PLEKHG3: variants seen among roughly 807,000 people sequenced by gnomAD.
PLEKHG3 encodes pleckstrin homology and RhoGEF domain containing G3.
In PLEKHG3, 62 loss-of-function variants were observed where a neutral mutation model predicts 94.9. The ratio of observed to expected loss-of-function variants is 0.65; its 90% confidence interval spans 0.53 to 0.81. The LOEUF is 0.81. PLEKHG3 is among the 30% of genes least tolerant of loss of function. The pLI is 0.00. For missense variants in PLEKHG3, 1,461 were observed against 1,619.3 expected (o/e 0.90, Z 1.68); for synonymous variants, 614 against 654.0 (o/e 0.94, Z 0.93).
chr14:64,711,011 C>T (rs1426607386), intron 1 of PLEKHG3, among the ~76,000 whole-genome samples: 1 of 152,284 alleles, frequency 6.6e-6, no homozygotes, highest in East Asian at 1.9e-4. Flanking sequence ...GATTCCCAGT[C>T]AGGTTGGCTA....
chr14:64,713,265 T>C (rs1284377466), intron 1 of PLEKHG3, among the ~76,000 whole-genome samples: 1 of 152,210 alleles, frequency 6.6e-6, no homozygotes, highest in East Asian at 1.9e-4. Context: ...TTCTTTTTTC[T>C]GATATCTTGT....
At position 64,720,213 on chromosome 14, in the gene PLEKHG3, C is replaced by T. The variant is rs1397638784; in HGVS notation, c.-39-7380C>T. Among the ~76,000 whole-genome samples, 2 of 152,236 alleles carry T rather than the reference C, an allele frequency of 1.3e-5. No homozygotes were observed. The highest frequency in any genetic ancestry group is 4.8e-5 in the African/African-American group (2 of 41,468). ...AACTTGGCTACTTTCCCCTTCCTCC[C>T]AGTCTCTTGTGGCTGGTCACCTAGT... On this transcript the variant is annotated intron_variant, in intron 1 of 16. Coordinates refer to ENST00000247226, the MANE Select transcript of PLEKHG3 (RefSeq NM_001308147.2). This position sits in a 1 kb window ranked among gnomAD's most constrained non-coding sequence, Gnocchi z 4.1.
In PLEKHG3 at chr14:64,726,960, C is replaced by T. The variant is rs1367941578; in HGVS notation, c.-39-633C>T. 2.0e-5 allele frequency among the ~76,000 whole-genome samples: 3 copies of T among 152,170 alleles called. No homozygotes were observed. Among genetic ancestry groups the T allele is most frequent in the Non-Finnish European group, 2.9e-5 (2 of 68,012 alleles). On this transcript the variant is annotated intron_variant, in intron 1 of 16. Transcript: ENST00000247226. The surrounding 1 kb of genome is among the most constrained non-coding windows in gnomAD (Gnocchi z 5.1). ...ATCTTTGCCCATCCCTGTACAGTGA[C>T]CCCAGCACAGGCCACAGACAGGGGG...
In PLEKHG3 at chr14:64,741,946, C is replaced by T. The variant is rs1000846000; in HGVS notation, c.2429C>T (p.Pro810Leu). 1.3e-6 allele frequency: 2 copies of T among 1,578,758 alleles called. No individual in the cohort carries two copies. Among genetic ancestry groups the T allele is most frequent in the Admixed American group, 1.8e-5 (1 of 54,472 alleles). ...CCCATCTCAGATGCTGAGTTCCGCC[C>T]ATCTTCAGAAATTGTGAAGATCTGG... ...PPPISDAEFR[P>L]SSEIVKIWEG... is the part of the protein sequence containing the mutation. Residue 810 changes from proline (P) to leucine (L), a missense_variant, in exon 16 of 17, where the codon CCA (proline) becomes CTA (leucine). By Grantham distance (98) the Pro-to-Leu change is moderately conservative. Around this residue, in one of 3 missense-constraint regions of PLEKHG3, gnomAD observed 1,201 missense variants for 1,295.5 expected, o/e 0.93. Transcript: ENST00000247226.
rs2081344886 is a variant in PLEKHG3, at chr14:64,725,990, A to G, written c.-39-1603A>G. ...TCACACTGTCTCAGGCCAGTGCTAC[A>G]GTAGGAGAAACCTGGGAGGTAGTAA... On this transcript the variant is annotated intron_variant, in intron 1 of 16. Transcript: ENST00000247226. This position sits in a 1 kb window ranked among gnomAD's most constrained non-coding sequence, Gnocchi z 5.0. Among the ~76,000 whole-genome samples, 1 of 152,224 alleles carries G rather than the reference A, an allele frequency of 6.6e-6. No homozygotes were observed. The highest frequency in any genetic ancestry group is 2.1e-4 in the South Asian group (1 of 4,836).
At chr14:64,737,178 C>G in intron 13 of PLEKHG3, 178 bp from the exon 14 acceptor site, 2 of 655,622 alleles carry the variant, frequency 3.1e-6, no homozygotes, top group South Asian at 1.8e-5. Context: ...GGCCCCTGCT[C>G]TGTCAGTCAT....
At position 64,732,395 on chromosome 14, in the gene PLEKHG3, G is replaced by A. The variant is rs2081485209; in HGVS notation, c.1213-32G>A. On this transcript the variant is annotated intron_variant, in intron 10 of 16. Coordinates refer to ENST00000247226, the MANE Select transcript of PLEKHG3 (RefSeq NM_001308147.2). This position sits in a 1 kb window ranked among gnomAD's most constrained non-coding sequence, Gnocchi z 4.9. The stretch of plus-strand genomic sequence containing the variant: ...GCAGGGAAGGCCGGCACATGGTAAG[G>A]TAATAACCAGGTGTGTTTCCTTCCC... 6.2e-7 allele frequency: 1 copy of A among 1,601,284 alleles called. No homozygotes were observed. Among genetic ancestry groups the A allele is most frequent in the African/African-American group, 1.3e-5 (1 of 74,802 alleles).
chr14:64,735,827 C>G (rs1468587606), intron 12 of PLEKHG3, among the ~76,000 whole-genome samples: 1 of 152,186 alleles, frequency 6.6e-6, no homozygotes, highest in African/African-American at 2.4e-5. Flanking sequence ...CAAGTGTATT[C>G]TATTGATAAT....
At chr14:64,708,840 TGCACACTCG>T (rs1344135497) in intron 1 of PLEKHG3, among the ~76,000 whole-genome samples, 1 of 127,300 alleles carries the variant, frequency 7.9e-6, no homozygotes, top group Non-Finnish European at 1.6e-5. Context: ...AGTATGTCGC[TGCACACTCG>T]GCAGCCAGGC....
In PLEKHG3 at chr14:64,738,149, T is replaced by C; in HGVS notation, c.1405-593T>C. 1 of 1,296,344 alleles carries C rather than the reference T, an allele frequency of 7.7e-7. No homozygotes were observed. Among genetic ancestry groups the C allele is most frequent in the Middle Eastern group, 2.4e-4 (1 of 4,094 alleles). The allele number at this position is 1,296,344 out of a possible 1,614,324, so 80.3% of individuals were successfully genotyped here. A position where few individuals can be genotyped will look rare whatever the true frequency, so the allele number is the denominator to read the frequency against. On this transcript the variant is annotated intron_variant, in intron 14 of 16. Coordinates refer to ENST00000247226, the MANE Select transcript of PLEKHG3 (RefSeq NM_001308147.2). This position sits in a 1 kb window ranked among gnomAD's most constrained non-coding sequence, Gnocchi z 4.8. ...CGGTGGCGGAGCAGGTAGCCGACTT[T>C]GCCAGCTCCCTGCTGGCCGCCCTCC...
rs185082517 is a variant in PLEKHG3, at chr14:64,728,625, G to T, written c.352-371G>T. 9.4e-3 allele frequency among the ~76,000 whole-genome samples: 1,430 copies of T among 152,280 alleles called. 13 individuals are homozygous for T. Among genetic ancestry groups the T allele is most frequent in the Non-Finnish European group, 0.012 (817 of 68,014 alleles). On this transcript the variant is annotated intron_variant, in intron 2 of 16. Transcript: ENST00000247226. This position sits in a 1 kb window ranked among gnomAD's most constrained non-coding sequence, Gnocchi z 5.9. ...CTATGCCTGTCATCCAGCTTCTGGG[G>T]TCCTGGCAGTCTTTGACATTGTTGG...
Position 64,741,788 on chromosome 14 carries a change from C to G in PLEKHG3, c.2271C>G (p.Phe757Leu). ...KGLVRNSISRFNSLPRPDPEP... is the reference protein window; with the variant it reads ...KGLVRNSISRLNSLPRPDPEP... ...TGGTAAGAAACTCCATCTCCAGGTTCAACAGCCTTCCCCGGCCAGACCCAG... is the reference window on the plus strand; with the variant it reads ...TGGTAAGAAACTCCATCTCCAGGTTGAACAGCCTTCCCCGGCCAGACCCAG... Residue 757 changes from phenylalanine to leucine, a missense_variant, in exon 16 of 17, where the codon TTC becomes TTG. Coordinates refer to ENST00000247226, the MANE Select transcript of PLEKHG3 (RefSeq NM_001308147.2). 3.7e-6 allele frequency: 6 copies of G among 1,613,494 alleles called. No individual in the cohort carries two copies. The highest frequency in any genetic ancestry group is 5.1e-6 in the Non-Finnish European group (6 of 1,180,034).
In PLEKHG3 at chr14:64,748,510, C is replaced by T. The variant is rs1389435429; in HGVS notation, c.*4807C>T. 2 of 152,420 alleles carry T rather than the reference C, an allele frequency of 1.3e-5. No homozygotes were observed. Among genetic ancestry groups the T allele is most frequent in the Non-Finnish European group, 2.9e-5 (2 of 68,218 alleles). The allele number at this position is 152,420 out of a possible 1,614,324, so 9.4% of individuals were successfully genotyped here. On this transcript the variant is annotated 3_prime_UTR_variant, in exon 17 of 17. Transcript: ENST00000247226. ...GCCACGGTTTTCAATGAGGAATGGT[C>T]TGACCTTGCTGCCCTTCCTGGGACC...
chr14:64,708,910 C>T (rs760501025), intron 1 of PLEKHG3, among the ~76,000 whole-genome samples: 1 of 149,640 alleles, frequency 6.7e-6, no homozygotes, highest in Admixed American at 6.8e-5. Flanking sequence ...TGCCTGGAGA[C>T]GGGTAAAAGC....
At chr14:64,714,473 C>A (rs1356298435) in intron 1 of PLEKHG3, among the ~76,000 whole-genome samples, 1 of 152,170 alleles carries the variant, frequency 6.6e-6, no homozygotes, top group African/African-American at 2.4e-5. Context: ...TTTTTCATAG[C>A]ACTTACACTT....
intron 1 of PLEKHG3, among the ~76,000 whole-genome samples, chr14:64,710,497 C>T (rs1188802797): frequency 1.3e-5 from 2 of 152,060 alleles, no homozygotes; most frequent in Non-Finnish European, 2.9e-5. Context: ...TGGTGAAACC[C>T]CGTCTCTATT....
In PLEKHG3 at chr14:64,745,609, G is replaced by A. The variant is rs1157826945; in HGVS notation, c.*1906G>A. 1 of 152,304 alleles carries A rather than the reference G, an allele frequency of 6.6e-6. No individual in the cohort carries two copies. The highest frequency in any genetic ancestry group is 1.5e-5 in the Non-Finnish European group (1 of 68,080). The allele number at this position is 152,304 out of a possible 1,614,324, so 9.4% of individuals were successfully genotyped here. ...TTACTCAGCATCATATCTTGAGACT[G>A]GCCTGGCAGGAGCCAGTGACTGTGG... On this transcript the variant is annotated 3_prime_UTR_variant, in exon 17 of 17. Coordinates refer to ENST00000247226, the MANE Select transcript of PLEKHG3 (RefSeq NM_001308147.2). The surrounding 1 kb of genome is among the most constrained non-coding windows in gnomAD (Gnocchi z 5.0).
At chr14:64,712,027 G>T (rs888377860) in intron 1 of PLEKHG3, among the ~76,000 whole-genome samples, 1 of 152,118 alleles carries the variant, frequency 6.6e-6, no homozygotes, top group African/African-American at 2.4e-5. Context: ...GTTTGAAATA[G>T]GTGTCCAGAT....
rs781166998 is a variant in PLEKHG3, at chr14:64,749,565, C to A, written c.*5862C>A. The A allele has an allele frequency of 2.3e-4, 372 of 1,605,368 alleles. No homozygotes were observed. Among genetic ancestry groups the A allele is most frequent in the Non-Finnish European group, 2.7e-4 (322 of 1,179,010 alleles). ...AATGGTGGGGGCTCTTGGGACTGCC[C>A]CTTCTGAGGGGGCCTCCAGGGCAAG... On this transcript the variant is annotated 3_prime_UTR_variant, in exon 17 of 17. Transcript: ENST00000247226. The surrounding 1 kb of genome is among the most constrained non-coding windows in gnomAD (Gnocchi z 4.7).
Sources: gnomAD v4.1 joint callset for allele counts (sites outside exome capture counted in the v4.1 genomes callset) on GRCh38, gnomAD v4.1.1 for gene constraint, gnomAD v4.1.1 regional missense constraint, Gnocchi (gnomAD v3.1) non-coding constraint, MANE v1.5 for transcripts, NCBI Gene and HGNC (gene_info 2026-07-23, HGNC 2026-07-21) for gene names.